Variants in ZFYVE28 observed in about 807,000 individuals in gnomAD.
The protein encoded by ZFYVE28 is zinc finger FYVE-type containing 28.
A neutral mutation model predicts 82.1 loss-of-function variants in ZFYVE28; 40 were observed. The observed-to-expected ratio is 0.49, with a 90% CI of 0.38 to 0.63. The LOEUF is 0.63. Ranked by LOEUF, ZFYVE28 falls within the 30% of genes least tolerant of loss-of-function variation. The probability of loss-of-function intolerance (pLI) is 0.00; values close to 1 mark genes in which losing one functional copy is unlikely to be tolerated. For missense variants in ZFYVE28, 1,321 were observed against 1,242.1 expected, an observed-to-expected ratio of 1.06 and a Z score of -0.96; for synonymous variants, 612 against 546.1, an observed-to-expected ratio of 1.12 and a Z score of -1.68.
At chr4:2,387,639 G>A (rs1450674329) in intron 1 of ZFYVE28, among the ~76,000 whole-genome samples, 1 of 152,234 alleles carries the variant, frequency 6.6e-6, no homozygotes, top group African/African-American at 2.4e-5. Context: ...CCAGATCTCA[G>A]GGATGCTTGG....
At chr4:2,321,196 C>T (rs1013964794) in intron 6 of ZFYVE28, among the ~76,000 whole-genome samples, 4 of 152,092 alleles carry the variant, frequency 2.6e-5, no homozygotes, top group African/African-American at 9.7e-5. Flanking sequence ...CAGACAAGGG[C>T]CATGTGGGCC....
intron 1 of ZFYVE28, among the ~76,000 whole-genome samples, chr4:2,357,993 G>T (rs1285846429): frequency 6.6e-6 from 1 of 152,216 alleles, no homozygotes; most frequent in Non-Finnish European, 1.5e-5. Context: ...GCTGATGGCA[G>T]CGTGGTGCTG....
intron 6 of ZFYVE28, among the ~76,000 whole-genome samples, chr4:2,333,997 C>G (rs1041748102): frequency 1.3e-5 from 2 of 152,286 alleles, no homozygotes; most frequent in East Asian, 3.9e-4. Flanking sequence ...TCCCTCCAAG[C>G]CACCTTGTCG....
At chr4:2,292,816 T>C (rs1379585971) in intron 8 of ZFYVE28, among the ~76,000 whole-genome samples, 1 of 152,138 alleles carries the variant, frequency 6.6e-6, no homozygotes, top group Admixed American at 6.5e-5. Context: ...TGGACAGCCA[T>C]GCTCCTGCAC....
chr4:2,298,977 C>G (rs905136749), intron 8 of ZFYVE28, among the ~76,000 whole-genome samples: 2 of 152,194 alleles, frequency 1.3e-5, no homozygotes. Context: ...CAGCGCGCCT[C>G]GCACCACACG....
At chr4:2,321,290 GGGAGC>G (rs1719037886) in intron 6 of ZFYVE28, among the ~76,000 whole-genome samples, 1 of 152,122 alleles carries the variant, frequency 6.6e-6, no homozygotes, top group Non-Finnish European at 1.5e-5. Context: ...CCGAGTCCCT[GGGAGC>G]ACAGGGACAG....
chr4:2,272,905 C>T (rs1315050450), intron 10 of ZFYVE28, among the ~76,000 whole-genome samples: 2 of 152,234 alleles, frequency 1.3e-5, no homozygotes, highest in Non-Finnish European at 2.9e-5. Context: ...GGCCCATCTG[C>T]TCGTTTGCAG....
At chr4:2,380,421 A>G (rs1728611955) in intron 1 of ZFYVE28, among the ~76,000 whole-genome samples, 1 of 152,226 alleles carries the variant, frequency 6.6e-6, no homozygotes, top group Non-Finnish European at 1.5e-5. Context: ...GCTAAGAATC[A>G]TTGCTTCATG....
chr4:2,278,143 C>G (rs1431368693), intron 8 of ZFYVE28, among the ~76,000 whole-genome samples: 1 of 152,076 alleles, frequency 6.6e-6, no homozygotes, highest in Non-Finnish European at 1.5e-5. Flanking sequence ...TGAACTCTGA[C>G]CTTATACCAC....
intron 1 of ZFYVE28, among the ~76,000 whole-genome samples, chr4:2,364,307 G>A (rs964413082): frequency 2.8e-4 from 42 of 152,352 alleles, no homozygotes; most frequent in African/African-American, 9.6e-4. Context: ...TGGGTGGACA[G>A]CCAGCCCCAC....
chr4:2,315,951 T>C (rs1047454878), intron 7 of ZFYVE28, among the ~76,000 whole-genome samples: 2 of 152,066 alleles, frequency 1.3e-5, no homozygotes, highest in Non-Finnish European at 2.9e-5. Context: ...TTATGCTCTA[T>C]TCTGGTTTTC....
At chr4:2,330,193 T>C (rs1423543556) in intron 6 of ZFYVE28, 4 of 810,188 alleles carry the variant, frequency 4.9e-6, no homozygotes, top group Non-Finnish European at 6.0e-6. Context: ...ATGAAATTTG[T>C]GGTGATGGCT....
At chr4:2,316,666 T>A (rs1025522009) in intron 7 of ZFYVE28, among the ~76,000 whole-genome samples, 14 of 152,024 alleles carry the variant, frequency 9.2e-5, no homozygotes, top group African/African-American at 3.4e-4. Context: ...TTCTGGCTCT[T>A]CTCTCAACTA....
intron 1 of ZFYVE28, among the ~76,000 whole-genome samples, chr4:2,387,054 A>C (rs1729333635): frequency 8.3e-6 from 1 of 120,592 alleles, no homozygotes; most frequent in African/African-American, 4.0e-5. Context: ...ACTGCAGGAG[A>C]CTCCGGGGCC....
chr4:2,275,844 T>C (rs1194917687), intron 8 of ZFYVE28, among the ~76,000 whole-genome samples: 20 of 152,252 alleles, frequency 1.3e-4, no homozygotes, highest in Non-Finnish European at 2.9e-5. Flanking sequence ...ATGCAGGGTC[T>C]TAGACGCGGT....
In ZFYVE28 at chr4:2,402,198, G is replaced by A. The variant is rs146976757; in HGVS notation, c.39+16087C>T. On this transcript the variant is annotated intron_variant, in intron 1 of 12. Coordinates refer to ENST00000290974, the MANE Select transcript of ZFYVE28 (RefSeq NM_020972.3). ...CCCTCATGGCACCAGGCACCGCACA[G>A]ACAGCGCTGCAGCTGGGAGCTCGTT... is the stretch of plus-strand genomic sequence containing the variant. Among the ~76,000 whole-genome samples the A allele has an allele frequency of 2.0e-5, 3 of 152,368 alleles. No individual in the cohort carries two copies. The South Asian group carries it at 6.2e-4, about 32-fold the overall frequency.
At chr4:2,376,197 ATTTCACCTGTTTCTTTTACTTT>A (rs1230126480) in intron 1 of ZFYVE28, among the ~76,000 whole-genome samples, 3 of 121,368 alleles carry the variant, frequency 2.5e-5, no homozygotes, top group Non-Finnish European at 5.1e-5. Context: ...ATTAAAATTA[ATTTCACCTGTTTCTTTTACTTT>A]TTTTTTTTAA....
At chr4:2,273,942 G>A in intron 9 of ZFYVE28, 120 bp downstream of exon 9, 7 of 1,166,118 alleles carry the variant, frequency 6.0e-6, no homozygotes, top group Non-Finnish European at 7.3e-6. Flanking sequence ...CTTAGGGGCA[G>A]AGTGGGCTGC....
intron 8 of ZFYVE28, among the ~76,000 whole-genome samples, chr4:2,283,370 T>C (rs1377219546): frequency 8.7e-5 from 10 of 114,612 alleles, no homozygotes; most frequent in African/African-American, 1.4e-4. Context: ...CATCCATCCA[T>C]CCAATCATCC....
Sources: gnomAD v4.1 joint callset for allele counts (sites outside exome capture counted in the v4.1 genomes callset) on GRCh38, gnomAD v4.1.1 for gene constraint, MANE v1.5 for transcripts, NCBI Gene and HGNC (gene_info 2026-07-23, HGNC 2026-07-21) for gene names.